The following PA2G4 variants were observed in gnomAD, a reference collection of about 807,000 sequenced individuals.
PA2G4 encodes the protein proliferation-associated protein 2G4.
A neutral mutation model predicts 53.3 loss-of-function variants in PA2G4; 8 were observed. The ratio of observed to expected loss-of-function variants is 0.15; its 90% confidence interval spans 0.09 to 0.27. The LOEUF (loss-of-function observed/expected upper bound fraction) is 0.27, where lower values mean the gene tolerates loss of function less well. Ranked by LOEUF, PA2G4 falls within the 10% of genes least tolerant of loss-of-function variation. The probability of loss-of-function intolerance (pLI) is 1.00; values close to 1 mark genes in which losing one functional copy is unlikely to be tolerated. For synonymous variants in PA2G4, 143 were observed against 169.8 expected (o/e 0.84, Z 1.23); for missense variants, 208 against 486.8 (o/e 0.43, Z 5.39).
intron 2 of PA2G4, 23 bp downstream of exon 2, chr12:56,106,739 T>C (rs1365396996): frequency 2.5e-6 from 4 of 1,575,832 alleles, no homozygotes; most frequent in African/African-American, 2.8e-5. Flanking sequence ...AATCCCTCAC[T>C]AATTTTCCGT....
chr12:56,110,426 G>C lies in PA2G4; in HGVS notation c.657G>C (p.Glu219Asp). The change falls in exon 8 of 13, where the codon GAG (glutamate) becomes GAC (aspartate). Residue 219 changes from glutamate to aspartate, a missense_variant. Coordinates refer to ENST00000303305, the MANE Select transcript of PA2G4 (RefSeq NM_006191.3). Reference protein sequence around the residue: ...QKKDHEKAEFEVHEVYAVDVL... With the variant: ...QKKDHEKAEFDVHEVYAVDVL... Reference sequence around the variant, plus strand: ...AGGACCATGAAAAAGCTGAATTTGAGGTACATGAAGTATATGCTGTGGATG... The same window carrying C: ...AGGACCATGAAAAAGCTGAATTTGACGTACATGAAGTATATGCTGTGGATG... The C allele has an allele frequency of 6.2e-7, 1 of 1,611,276 alleles. No homozygotes were observed. The highest frequency in any genetic ancestry group is 1.7e-5 in the Admixed American group (1 of 60,008).
rs146640181 is a variant in PA2G4, at chr12:56,104,818, C to T, written c.81C>T (p.Ile27=). 533 of 1,613,248 alleles carry T rather than the reference C, an allele frequency of 3.3e-4. 2 individuals carry two copies. In the African/African-American group the frequency reaches 6.4e-3, roughly 19 times the overall value. ...VVTKYKMGGD[I]ANRVLRSLVE... ...CCAAGTATAAGATGGGGGGCGACATCGCCAACAGTGAGTGCGGCCTCGGGG... is the reference window on the plus strand; with the variant it reads ...CCAAGTATAAGATGGGGGGCGACATTGCCAACAGTGAGTGCGGCCTCGGGG... The change falls in exon 1 of 13, where the codon ATC becomes ATT. Residue 27 remains isoleucine (I), a synonymous_variant. Transcript: ENST00000303305.
At chr12:56,109,337 T>C (rs767287802) in intron 6 of PA2G4, 44 bp downstream of exon 6, 1 of 1,485,490 alleles carries the variant, frequency 6.7e-7, no homozygotes, top group Non-Finnish European at 9.4e-7. Flanking sequence ...ATGAGTGGCT[T>C]TGCCAGGTGC....
intron 8 of PA2G4, 35 bp from the exon 9 acceptor site, chr12:56,110,524 C>T: frequency 6.2e-7 from 1 of 1,614,032 alleles, no homozygotes; most frequent in Non-Finnish European, 8.5e-7. Context: ...TGAGAGTGTT[C>T]ACCAGACCAA....
intron 1 of PA2G4, 144 bp downstream of exon 1, chr12:56,104,969 G>A: frequency 1.2e-6 from 1 of 817,960 alleles, no homozygotes; most frequent in Non-Finnish European, 2.1e-6. Context: ...GTGGTGGGAA[G>A]ACCCGGTGTC....
At chr12:56,112,734 GA>G (rs199502724) in intron 12 of PA2G4, 88 bp from the exon 13 acceptor site, 182 of 902,446 alleles carry the variant, frequency 2.0e-4, no homozygotes, top group Admixed American at 3.8e-4. Flanking sequence ...GACTGTCTCA[GA>G]AAAAAAAATA....
In PA2G4 at chr12:56,112,925, C is replaced by T. The variant is rs1869460793; in HGVS notation, c.*37C>T. On this transcript the variant is annotated 3_prime_UTR_variant, in exon 13 of 13. Transcript: ENST00000303305. ...TCTCCCCAGCTTGCTGCTCCTGCCT[C>T]ATCCCCTTCCCACCAAACCCCAGAC... The T allele has an allele frequency of 7.4e-7, 1 of 1,351,646 alleles. No homozygotes were observed. The highest frequency in any genetic ancestry group is 2.4e-5 in the Admixed American group (1 of 41,264). 83.7% of individuals were successfully genotyped at this position (1,351,646 alleles called of 1,614,324 possible).
chr12:56,110,318 C>G (rs1156871589), intron 7 of PA2G4, 81 bp from the exon 8 acceptor site: 2 of 835,094 alleles, frequency 2.4e-6, no homozygotes, highest in African/African-American at 3.4e-5. Context: ...TGAGATTGTG[C>G]CACTGCACTC....
chr12:56,106,365 G>A, intron 1 of PA2G4: 1 of 387,034 alleles, frequency 2.6e-6, no homozygotes. Context: ...CACACCAAAG[G>A]TAGCATCTTT....
At chr12:56,107,494 A>G (rs757048571) in intron 4 of PA2G4, 27 bp from the exon 5 acceptor site, 1 of 1,527,548 alleles carries the variant, frequency 6.5e-7, no homozygotes, top group South Asian at 1.1e-5. Context: ...TTCCAGGAAG[A>G]TACTGATTGC....
intron 5 of PA2G4, 54 bp from the exon 6 acceptor site, chr12:56,109,176 A>G: frequency 9.3e-7 from 1 of 1,074,408 alleles, no homozygotes; most frequent in South Asian, 1.2e-5. Flanking sequence ...TTCTCATTGT[A>G]GAGAACTTAT....
In PA2G4 at chr12:56,113,863, A is replaced by G. The variant is rs1869484810; in HGVS notation, c.*975A>G. On this transcript the variant is annotated 3_prime_UTR_variant, in exon 13 of 13. Transcript: ENST00000303305. Reference sequence around the variant, plus strand: ...ACTAACTTATGAGGTTTTTAAACACATTGAAAATGACATGACATTAAAATA... The same window carrying G: ...ACTAACTTATGAGGTTTTTAAACACGTTGAAAATGACATGACATTAAAATA... The G allele has an allele frequency of 2.8e-6, 2 of 702,232 alleles. No individual in the cohort carries two copies. Among genetic ancestry groups the G allele is most frequent in the South Asian group, 1.5e-5 (1 of 67,590 alleles). The allele number at this position is 702,232 out of a possible 1,614,324, so 43.5% of individuals were successfully genotyped here.
chr12:56,109,456 C>T (rs994403423), intron 6 of PA2G4, among the ~76,000 whole-genome samples, 163 bp downstream of exon 6: 3 of 151,766 alleles, frequency 2.0e-5, no homozygotes, highest in African/African-American at 7.3e-5. Flanking sequence ...CCCGTCTCTA[C>T]TAAAAATATA....
At chr12:56,106,932 G>A in intron 2 of PA2G4, 58 bp from the exon 3 acceptor site, 1 of 1,413,312 alleles carries the variant, frequency 7.1e-7, no homozygotes, top group Non-Finnish European at 9.9e-7. Context: ...CATTTCTGAA[G>A]GGCACTAGGG....
chr12:56,104,560 G>T lies in PA2G4; in HGVS notation c.-178G>T. 1 of 737,878 alleles carries T rather than the reference G, an allele frequency of 1.4e-6. No homozygotes were observed. Among genetic ancestry groups the T allele is most frequent in the African/African-American group, 1.7e-5 (1 of 57,992 alleles). 45.7% of individuals were successfully genotyped at this position (737,878 alleles called of 1,614,324 possible). A position where few individuals can be genotyped will look rare whatever the true frequency, so the allele number is the denominator to read the frequency against. On this transcript the variant is annotated 5_prime_UTR_variant, in exon 1 of 13. Transcript: ENST00000303305. ...TTGTCCCAGCGTGCCCTGCGCCTCA[G>T]CCCGCGCGCTCGCAGCTTCTCGCTC... is the stretch of plus-strand genomic sequence containing the variant.
In PA2G4 at chr12:56,111,275, A is replaced by G. The variant is rs531365781; in HGVS notation, c.1031A>G (p.Lys344Arg). Residue 344 changes from lysine to arginine, a missense_variant, in exon 11 of 13, where the codon AAG becomes AGG. This residue lies in a region of PA2G4 where 50 missense variants were observed against 82.3 expected (regional missense o/e 0.61). Transcript: ENST00000303305. ...GGTCCCTTCGAGCCTGACCTCTACAAGTCTGAGATGGAGGTCCAGGATGCA... is the reference window on the plus strand; with the variant it reads ...GGTCCCTTCGAGCCTGACCTCTACAGGTCTGAGATGGAGGTCCAGGATGCA... ...TSGPFEPDLY[K>R]SEMEVQDAEL... 6 of 1,614,156 alleles carry G rather than the reference A, an allele frequency of 3.7e-6. No individual in the cohort carries two copies. Among genetic ancestry groups the G allele is most frequent in the Admixed American group, 1.7e-5 (1 of 60,022 alleles).
Position 56,111,487 on chromosome 12 carries a change from G to A in PA2G4, c.1077G>A (p.Gln359=), listed in dbSNP as rs1869422612. ...VQDAELKALL[Q]SSASRKTQKK... is the part of the protein sequence containing the mutation. ...TTCCTGTTTTCCAGGCCCTCCTCCA[G>A]AGTTCTGCAAGTCGAAAAACCCAGA... The change falls in exon 12 of 13, where the codon CAG becomes CAA. Residue 359 remains glutamine (Q), a synonymous_variant. Coordinates refer to ENST00000303305, the MANE Select transcript of PA2G4 (RefSeq NM_006191.3). 1 of 1,613,580 alleles carries A rather than the reference G, an allele frequency of 6.2e-7. No individual in the cohort carries two copies. Among genetic ancestry groups the A allele is most frequent in the Non-Finnish European group, 8.5e-7 (1 of 1,179,946 alleles).
At chr12:56,110,353 C>G (rs1408420132) in intron 7 of PA2G4, 46 bp from the exon 8 acceptor site, 3 of 1,153,714 alleles carry the variant, frequency 2.6e-6, no homozygotes, top group South Asian at 1.2e-5. Context: ...GAATGAGACT[C>G]TGTGTCAAAA....
At chr12:56,106,756 C>T (rs1869311253) in intron 2 of PA2G4, 40 bp downstream of exon 2, 1 of 1,569,076 alleles carries the variant, frequency 6.4e-7, no homozygotes, top group Non-Finnish European at 8.6e-7. Flanking sequence ...CCGTTTGACC[C>T]TTATTTGGTC....
Sources: gnomAD v4.1 joint callset for allele counts (sites outside exome capture counted in the v4.1 genomes callset) on GRCh38, gnomAD v4.1.1 for gene constraint, gnomAD v4.1.1 regional missense constraint, MANE v1.5 for transcripts, NCBI Gene and HGNC (gene_info 2026-07-23, HGNC 2026-07-21) for gene names.